The following ABLIM1 variants were observed in gnomAD, a reference collection of about 807,000 sequenced individuals.
ABLIM1 encodes actin-binding LIM protein 1.
A neutral mutation model predicts 107.0 loss-of-function variants in ABLIM1; 40 were observed. The ratio of observed to expected loss-of-function variants is 0.37; its 90% CI spans 0.29 to 0.49. The LOEUF (loss-of-function observed/expected upper bound fraction) is 0.49. ABLIM1 is among the 20% of genes least tolerant of loss of function. The pLI is 0.97. For synonymous variants in ABLIM1, 357 were observed against 357.3 expected (o/e 1.00, Z 0.01); for missense variants, 857 against 1,008.5 (o/e 0.85, Z 2.04).
At chr10:114,772,252 T>C (rs1406653009), upstream of ABLIM1, among the ~76,000 whole-genome samples, 1 of 152,124 alleles carries the variant, frequency 6.6e-6, no homozygotes, top group Non-Finnish European at 1.5e-5. Context: ...TGACCTCAGA[T>C]TAGTCATATC....
chr10:114,461,823 C>A (rs4751918), intron 12 of ABLIM1, among the ~76,000 whole-genome samples: 93,771 of 151,806 alleles, frequency 0.62, 29,647 homozygotes, highest in African/African-American at 0.76. Flanking sequence ...TGTGTCAAAA[C>A]AAATAAAAAA....
At position 114,465,805 on chromosome 10, in the gene ABLIM1, C is replaced by T. The variant is rs375611769; in HGVS notation, c.1334G>A (p.Arg445Gln). Residue 445 changes from arginine (R) to glutamine (Q), a missense_variant, in exon 12 of 23, where the codon CGG (arginine) becomes CAG (glutamine). Physicochemically the swap from Arg to Gln is conservative, Grantham distance 43. Around this residue, in one of 5 missense-constraint regions of ABLIM1, gnomAD observed 381 missense variants for 506.9 expected, o/e 0.75. Transcript: ENST00000533213. ...SAEGYQDVRD[R>Q]MIHRSTSQGS... ...CTGGCTCGTGGACCGATGGATCATC[C>T]GATCCCGAACATCCTGGTACCCCTG... 36 of 1,613,986 alleles carry T rather than the reference C, an allele frequency of 2.2e-5. No homozygotes were observed. The highest frequency in any genetic ancestry group is 4.0e-5 in the African/African-American group (3 of 74,902).
At chr10:114,471,067 T>C (rs1796401754) in intron 10 of ABLIM1, among the ~76,000 whole-genome samples, 2 of 152,142 alleles carry the variant, frequency 1.3e-5, no homozygotes, top group African/African-American at 4.8e-5. Context: ...GTATTTTTTT[T>C]CTGTAGAGAT....
At chr10:114,673,885 AT>A (rs1412366142) in intron 1 of ABLIM1, among the ~76,000 whole-genome samples, 1 of 152,226 alleles carries the variant, frequency 6.6e-6, no homozygotes, top group African/African-American at 2.4e-5. Flanking sequence ...ACTTAAAAAA[AT>A]AAAAGACTAT....
chr10:114,499,319 T>G (rs1000211426), intron 6 of ABLIM1, among the ~76,000 whole-genome samples: 2 of 152,254 alleles, frequency 1.3e-5, no homozygotes, highest in African/African-American at 4.8e-5. Context: ...ATAGAGGAAG[T>G]TAAACTATCG....
chr10:114,800,595 A>C, the ABLIM1 span, among the ~76,000 whole-genome samples: 1 of 152,212 alleles, frequency 6.6e-6, no homozygotes, highest in Non-Finnish European at 1.5e-5. Flanking sequence ...CGTGAACAAC[A>C]TGGGGGTTAA....
chr10:114,641,247 T>TAAAAAAAA (rs35168530), intron 1 of ABLIM1, among the ~76,000 whole-genome samples: 1 of 37,082 alleles, frequency 2.7e-5, no homozygotes, highest in Non-Finnish European at 5.6e-5. Flanking sequence ...AAGCCAATCA[T>TAAAAAAAA]AAAAAAAAAA....
chr10:114,582,564 G>A (rs1330187599), intron 2 of ABLIM1, among the ~76,000 whole-genome samples: 1 of 152,028 alleles, frequency 6.6e-6, no homozygotes, highest in Non-Finnish European at 1.5e-5. Context: ...GCAATCTTAA[G>A]CAAAAGGAAC....
At chr10:114,703,618 G>A (rs217195) in intron 1 of ABLIM1, among the ~76,000 whole-genome samples, 7,746 of 152,326 alleles carry the variant, frequency 0.051, 246 homozygotes, top group Middle Eastern at 0.088. Context: ...AAGTGGCACT[G>A]CCTTCAGGAA....
At chr10:114,499,547 C>T (rs779830311) in intron 6 of ABLIM1, among the ~76,000 whole-genome samples, 19 of 152,136 alleles carry the variant, frequency 1.2e-4, no homozygotes, top group African/African-American at 3.9e-4. Context: ...AACATTATTG[C>T]GCATAAGCAA....
chr10:114,499,771 G>A (rs920735811), intron 6 of ABLIM1, among the ~76,000 whole-genome samples: 1 of 152,244 alleles, frequency 6.6e-6, no homozygotes, highest in African/African-American at 2.4e-5. Context: ...TACGTGGCAG[G>A]TGCATGGGCG....
chr10:114,609,186 G>A (rs1319984501), intron 1 of ABLIM1, among the ~76,000 whole-genome samples: 2 of 152,296 alleles, frequency 1.3e-5, no homozygotes, highest in South Asian at 2.1e-4. Flanking sequence ...CAGACAGTCT[G>A]ACTTTGCAGA....
rs577399216 is a variant in ABLIM1 at position 114,657,728 on chromosome 10, T to C, written c.244+229A>G. Reference sequence around the variant, plus strand: ...TACCAAGTTTGGAAAGAGATACATTTGTTACTGAAGATCATAAAATCCTGG... The same window carrying C: ...TACCAAGTTTGGAAAGAGATACATTCGTTACTGAAGATCATAAAATCCTGG... On this transcript the variant is annotated intron_variant, in intron 1 of 22. Coordinates refer to ENST00000533213, the MANE Select transcript of ABLIM1 (RefSeq NM_002313.7). 3.7e-4 allele frequency among the ~76,000 whole-genome samples: 56 copies of C among 152,344 alleles called. 2 individuals carry two copies. The South Asian group carries it at 0.011, about 30-fold the overall frequency.
intron 6 of ABLIM1, chr10:114,526,725 G>A (rs148169536): frequency 8.6e-4 from 845 of 985,526 alleles, no homozygotes; most frequent in Non-Finnish European, 8.9e-4. Flanking sequence ...AACTCCTCCA[G>A]GCTTCAAGTT....
intron 1 of ABLIM1, among the ~76,000 whole-genome samples, chr10:114,708,868 T>A (rs1053678988): frequency 6.6e-6 from 1 of 152,172 alleles, no homozygotes; most frequent in East Asian, 1.9e-4. Flanking sequence ...GTTTGTAAAA[T>A]CTGTACCAAA....
chr10:114,659,345 A>T (rs1448041545), upstream of ABLIM1, among the ~76,000 whole-genome samples: 2 of 142,442 alleles, frequency 1.4e-5, no homozygotes, highest in East Asian at 2.1e-4. Flanking sequence ...GTCTCTACAG[A>T]AAAAAAAAAA....
intron 1 of ABLIM1, among the ~76,000 whole-genome samples, chr10:114,692,173 A>G (rs1019576352): frequency 2.0e-5 from 3 of 152,216 alleles, no homozygotes; most frequent in Non-Finnish European, 2.9e-5. Context: ...TTTATTTAAC[A>G]TTCTGTATTA....
the ABLIM1 span, among the ~76,000 whole-genome samples, chr10:114,795,356 C>T: frequency 6.6e-6 from 1 of 152,180 alleles, no homozygotes; most frequent in Non-Finnish European, 1.5e-5. Flanking sequence ...AGTGGGATAA[C>T]TAATACCAGG....
chr10:114,577,794 C>G (rs1280927571), intron 2 of ABLIM1, among the ~76,000 whole-genome samples: 1 of 152,132 alleles, frequency 6.6e-6, no homozygotes, highest in Non-Finnish European at 1.5e-5. Context: ...ACCATTATTT[C>G]TGGTGGTTTA....
Sources: allele counts gnomAD v4.1 joint callset (sites outside exome capture counted in the v4.1 genomes callset), GRCh38; gene constraint gnomAD v4.1.1; regional missense constraint gnomAD v4.1.1; transcripts MANE v1.5; gene names NCBI Gene and HGNC (gene_info 2026-07-23, HGNC 2026-07-21).